NT5DC3: variants seen among roughly 807,000 people sequenced by gnomAD.
NT5DC3 encodes the protein 5'-nucleotidase domain-containing protein 3.
NT5DC3 carries 42 observed loss-of-function variants against 67.8 expected under a neutral mutation model. The ratio of observed to expected loss-of-function variants is 0.62; its 90% confidence interval spans 0.48 to 0.80. The LOEUF (loss-of-function observed/expected upper bound fraction) is 0.80. Among genes scored for constraint, NT5DC3 ranks in the 30% least tolerant of loss-of-function variants. The probability of loss-of-function intolerance (pLI) is 0.00; values close to 1 mark genes in which losing one functional copy is unlikely to be tolerated. For synonymous variants in NT5DC3, 237 were observed against 255.6 expected (o/e 0.93, Z 0.69); for missense variants, 570 against 696.4 (o/e 0.82, Z 2.04).
At chr12:103,763,215 C>G in the NT5DC3 span, 1 of 346,092 alleles carries the variant, frequency 2.9e-6, no homozygotes, top group African/African-American at 2.1e-5. Flanking sequence ...GTGGCAGGCA[C>G]CAGCAGGCTA....
intron 13 of NT5DC3, among the ~76,000 whole-genome samples, chr12:103,778,622 T>C (rs1373158677): frequency 6.6e-6 from 1 of 151,834 alleles, no homozygotes; most frequent in East Asian, 1.9e-4. Flanking sequence ...ATGGGCAACA[T>C]AGTGAGACCT....
intron 2 of NT5DC3, among the ~76,000 whole-genome samples, chr12:103,812,650 G>C (rs1006623790): frequency 5.3e-5 from 8 of 152,094 alleles, no homozygotes; most frequent in African/African-American, 1.9e-4. Flanking sequence ...GATGCAACAT[G>C]GAGTCGAGGA....
Position 103,806,886 on chromosome 12 carries a change from G to C in NT5DC3, c.437C>G (p.Ala146Gly). Residue 146 changes from alanine (A) to glycine (G), a missense_variant, in exon 3 of 14, where the codon GCA becomes GGA. Physicochemically the swap from Ala to Gly is moderately conservative, Grantham distance 60 (BLOSUM62 0). This residue lies in a region of NT5DC3 where 466 missense variants were observed against 608.0 expected (regional missense o/e 0.77). Coordinates refer to ENST00000392876, the MANE Select transcript of NT5DC3 (RefSeq NM_001031701.3). ...TACATCATAATGAAGTCCACGAATT[G>C]CAAAATTTGGGTCATACTCATACTT... ...IRKYEYDPNF[A>G]IRGLHYDVQR... 2 of 1,609,610 alleles carry C rather than the reference G, an allele frequency of 1.2e-6. No homozygotes were observed. Among genetic ancestry groups the C allele is most frequent in the South Asian group, 1.1e-5 (1 of 90,964 alleles).
chr12:103,750,050 T>A, the NT5DC3 span, among the ~76,000 whole-genome samples: 1 of 152,106 alleles, frequency 6.6e-6, no homozygotes, highest in Non-Finnish European at 1.5e-5. Flanking sequence ...ATTTGTAAAG[T>A]GGGCCTCATA....
Position 103,841,001 on chromosome 12 carries a change from G to A in NT5DC3, c.156C>T (p.Asp52=). 7.6e-7 allele frequency: 1 copy of A among 1,308,266 alleles called. No individual in the cohort carries two copies. The highest frequency in any genetic ancestry group is 9.8e-7 in the Non-Finnish European group (1 of 1,024,492). 81.0% of individuals were successfully genotyped at this position (1,308,266 alleles called of 1,614,324 possible). A position where few individuals can be genotyped will look rare whatever the true frequency, so the allele number is the denominator to read the frequency against. Residue 52 remains aspartate (D), a synonymous_variant, in exon 1 of 14, where the codon GAC becomes GAT. Transcript: ENST00000392876. ...AGCGCTCCCACAGGTAGCGCTTCAT[G>A]TCCGGGGCGGTCCCGGGTGCAGTGC... is the stretch of plus-strand genomic sequence containing the variant. ...PLCTAPGTAP[D]MKRYLWERYR...
At chr12:103,823,862 C>T (rs1887585520) in intron 1 of NT5DC3, among the ~76,000 whole-genome samples, 1 of 152,236 alleles carries the variant, frequency 6.6e-6, no homozygotes, top group Non-Finnish European at 1.5e-5. Context: ...TTAAACTTCA[C>T]ATCCCTAACT....
At chr12:103,813,084 A>G (rs1887103920) in intron 2 of NT5DC3, among the ~76,000 whole-genome samples, 1 of 152,252 alleles carries the variant, frequency 6.6e-6, no homozygotes, top group Non-Finnish European at 1.5e-5. Flanking sequence ...GTGGACAATC[A>G]ATGAACACTG....
intron 4 of NT5DC3, among the ~76,000 whole-genome samples, chr12:103,800,541 C>T (rs567173885): frequency 6.6e-6 from 1 of 152,354 alleles, no homozygotes; most frequent in Non-Finnish European, 1.5e-5. Flanking sequence ...CAGGCACAGC[C>T]ACCCAGGCTG....
At chr12:103,756,996 A>AATATATAT in the NT5DC3 span, among the ~76,000 whole-genome samples, 1,251 of 55,814 alleles carry the variant, frequency 0.022, 12 homozygotes, top group East Asian at 0.048. Context: ...AAGGAGGGAA[A>AATATATAT]ATATATATAT....
chr12:103,762,540 C>T, the NT5DC3 span: 1 of 1,313,962 alleles, frequency 7.6e-7, no homozygotes, highest in African/African-American at 1.5e-5. Context: ...GGGCGGCCAC[C>T]CACCCCACGC....
intron 1 of NT5DC3, among the ~76,000 whole-genome samples, chr12:103,831,217 A>G (rs1000642772): frequency 6.6e-6 from 1 of 152,176 alleles, no homozygotes; most frequent in Non-Finnish European, 1.5e-5. Context: ...AGTGAGTCTC[A>G]TGAGATCTGA....
the NT5DC3 span, chr12:103,759,347 TA>T: frequency 1.3e-6 from 2 of 1,561,018 alleles, no homozygotes; most frequent in Non-Finnish European, 1.7e-6. Context: ...AGTAGGTGCT[TA>T]ATAGATGGCA....
chr12:103,755,023 A>G, the NT5DC3 span: 6 of 410,414 alleles, frequency 1.5e-5, no homozygotes, highest in Non-Finnish European at 2.7e-5. Context: ...CCTAGTATCA[A>G]TGGATGACAG....
the NT5DC3 span, among the ~76,000 whole-genome samples, chr12:103,756,997 ATATATATAT>A: frequency 0.081 from 10,489 of 130,108 alleles, 518 homozygotes; most frequent in African/African-American, 0.11. Flanking sequence ...AGGAGGGAAA[ATATATATAT>A]ATATATATAT....
intron 3 of NT5DC3, 26 bp downstream of exon 3, chr12:103,806,829 T>C (rs538241869): frequency 2.7e-5 from 39 of 1,430,148 alleles, no homozygotes; most frequent in South Asian, 1.7e-4. Flanking sequence ...CATTAAACCA[T>C]AGAAAAACAG....
chr12:103,832,582 G>GA (rs1446697839), intron 1 of NT5DC3, among the ~76,000 whole-genome samples: 4 of 152,012 alleles, frequency 2.6e-5, no homozygotes, highest in Non-Finnish European at 4.4e-5. Context: ...AATGAAAGGG[G>GA]AAAATGAACT....
chr12:103,771,792 A>G (rs1885189181), downstream of NT5DC3, among the ~76,000 whole-genome samples: 1 of 152,214 alleles, frequency 6.6e-6, no homozygotes, highest in African/African-American at 2.4e-5. Context: ...CAAGTGTCTT[A>G]TAAGCTCATT....
intron 4 of NT5DC3, among the ~76,000 whole-genome samples, chr12:103,803,569 C>T (rs1279503814): frequency 6.6e-6 from 1 of 152,064 alleles, no homozygotes; most frequent in African/African-American, 2.4e-5. Flanking sequence ...TTTCATTACC[C>T]ATGTACTAAG....
chr12:103,749,080 GCA>G, the NT5DC3 span: 1 of 1,614,134 alleles, frequency 6.2e-7, no homozygotes, highest in Non-Finnish European at 8.5e-7. Context: ...GGGCACAGCT[GCA>G]CAGAGATAGA....
Sources: gnomAD v4.1 joint callset for allele counts (sites outside exome capture counted in the v4.1 genomes callset) on GRCh38, gnomAD v4.1.1 for gene constraint, gnomAD v4.1.1 regional missense constraint, MANE v1.5 for transcripts, NCBI Gene and HGNC (gene_info 2026-07-23, HGNC 2026-07-21) for gene names.